NCAM1: variants seen among roughly 807,000 people sequenced by gnomAD.
NCAM1 encodes antigen recognized by monoclonal antibody 5.1H11.
Under a neutral mutation model 109.8 loss-of-function variants are expected in NCAM1, and 14 were observed. That is an observed-to-expected ratio of 0.13 (90% CI 0.08 to 0.20). The LOEUF is 0.20. Ranked by LOEUF, NCAM1 falls within the 10% of genes least tolerant of loss-of-function variation. NCAM1 has a pLI of 1.00. For synonymous variants in NCAM1, 418 were observed against 442.9 expected (o/e 0.94, Z 0.70); for missense variants, 774 against 1,109.9 (o/e 0.70, Z 4.30).
intron 1 of NCAM1, among the ~76,000 whole-genome samples, chr11:112,992,528 G>A (rs775087292): frequency 7.0e-6 from 1 of 143,536 alleles, no homozygotes; most frequent in Non-Finnish European, 1.5e-5. Flanking sequence ...TTGAGACGGA[G>A]TCTCACTCTG....
chr11:113,173,627 T>TATA (rs1555106599), intron 1 of NCAM1, among the ~76,000 whole-genome samples: 14 of 137,712 alleles, frequency 1.0e-4, no homozygotes, highest in Non-Finnish European at 1.1e-4. Flanking sequence ...TATATATATA[T>TATA]TTTAGAGGGT....
chr11:113,226,953 C>T (rs1395032565), intron 9 of NCAM1, among the ~76,000 whole-genome samples: 2 of 152,146 alleles, frequency 1.3e-5, no homozygotes, highest in South Asian at 2.1e-4. Context: ...AAATTTATAG[C>T]ACTAAATGCC....
Position 113,273,507 on chromosome 11 carries a change from G to GCAGCCA in NCAM1, c.2456+1637_2456+1642dup. 1 of 332,254 alleles carries GCAGCCA rather than the reference G, an allele frequency of 3.0e-6. No individual in the cohort carries two copies. The highest frequency in any genetic ancestry group is 6.1e-6 in the Non-Finnish European group (1 of 164,744). 20.6% of individuals were successfully genotyped at this position (332,254 alleles called of 1,614,324 possible). A position where few individuals can be genotyped will look rare whatever the true frequency, so the allele number is the denominator to read the frequency against. On this transcript the variant is annotated intron_variant, in intron 19 of 19. Coordinates refer to ENST00000316851, the MANE Select transcript of NCAM1 (RefSeq NM_181351.5). The surrounding 1 kb of genome is among the most constrained non-coding windows in gnomAD (Gnocchi z 6.0). ...CGGAGCCGCGAAGAGCCCGGCCGAG[G>GCAGCCA]CAGCCACAGCCCTTGCTAGCCCGAA...
intron 17 of NCAM1, chr11:113,269,820 G>A: frequency 3.3e-6 from 1 of 304,278 alleles, no homozygotes; most frequent in South Asian, 3.8e-5. Flanking sequence ...CTGCCTGCCT[G>A]TGCTGCAAAG....
chr11:113,014,104 A>G (rs544084286), intron 1 of NCAM1, among the ~76,000 whole-genome samples: 1 of 152,194 alleles, frequency 6.6e-6, no homozygotes, highest in East Asian at 1.9e-4. Context: ...AACTTTATGT[A>G]TTAATACTAC....
At chr11:113,061,238 C>T (rs917257988) in intron 1 of NCAM1, among the ~76,000 whole-genome samples, 1 of 151,980 alleles carries the variant, frequency 6.6e-6, no homozygotes, top group Non-Finnish European at 1.5e-5. Flanking sequence ...GGGAAGGTTT[C>T]CTCATTTTTA....
chr11:113,106,091 C>T (rs1555092512), intron 1 of NCAM1, among the ~76,000 whole-genome samples: 1 of 151,898 alleles, frequency 6.6e-6, no homozygotes, highest in Admixed American at 6.6e-5. Flanking sequence ...TAGTCAACTA[C>T]CAAACAAATA....
chr11:113,255,180 G>A (rs1206809478), intron 15 of NCAM1, among the ~76,000 whole-genome samples: 4 of 152,132 alleles, frequency 2.6e-5, no homozygotes, highest in African/African-American at 9.7e-5. Context: ...TTGAGAATTA[G>A]CACTCACTCA....
At position 113,205,972 on chromosome 11, in the gene NCAM1, G is replaced by A. The variant is rs1234832765; in HGVS notation, c.491-71G>A. On this transcript the variant is annotated intron_variant, in intron 4 of 19. Coordinates refer to ENST00000316851, the MANE Select transcript of NCAM1 (RefSeq NM_181351.5). ...GATACTGAAGTTAGGAAAAAGGAAAGAGACTCAGCCACCTGCCTGCAGATG... is the reference window on the plus strand; with the variant it reads ...GATACTGAAGTTAGGAAAAAGGAAAAAGACTCAGCCACCTGCCTGCAGATG... 5.5e-5 allele frequency: 87 copies of A among 1,579,142 alleles called. No individual in the cohort carries two copies. In the Admixed American group the frequency reaches 1.5e-3, roughly 26 times the overall value.
intron 17 of NCAM1, chr11:113,263,006 C>CAGGACCACCATGGCCACAGCTGCTGAGCA: frequency 6.5e-7 from 1 of 1,549,230 alleles, no homozygotes; most frequent in South Asian, 1.2e-5. Context: ...AAGAACCTGG[C>CAGGACCACCATGGCCACAGCTGCTGAGCA]AGGACCACCA....
intron 1 of NCAM1, among the ~76,000 whole-genome samples, chr11:112,991,583 G>A (rs1951458814): frequency 6.6e-6 from 1 of 152,148 alleles, no homozygotes; most frequent in African/African-American, 2.4e-5. Flanking sequence ...ACATGAAGAA[G>A]TGAAGTGAAG....
At chr11:113,180,825 T>C (rs6589361) in intron 1 of NCAM1, among the ~76,000 whole-genome samples, 43,928 of 152,130 alleles carry the variant, frequency 0.29, 9,880 homozygotes, top group African/African-American at 0.62. Flanking sequence ...TCTCTAAGCC[T>C]CCAGCTCTTC....
At chr11:113,207,695 A>G in intron 6 of NCAM1, 138 bp from the exon 7 acceptor site, 2 of 917,916 alleles carry the variant, frequency 2.2e-6, no homozygotes, top group Non-Finnish European at 3.3e-6. Flanking sequence ...TGGACGTTCA[A>G]CTTGGTGCCT....
At chr11:113,231,821 G>C in intron 10 of NCAM1, 26 bp downstream of exon 10, 1 of 1,613,312 alleles carries the variant, frequency 6.2e-7, no homozygotes, top group African/African-American at 1.3e-5. Context: ...GGAAGGACCT[G>C]GGGGAGGGAG....
At chr11:113,224,362 C>T (rs1555115842) in intron 9 of NCAM1, among the ~76,000 whole-genome samples, 1 of 152,242 alleles carries the variant, frequency 6.6e-6, no homozygotes, top group African/African-American at 2.4e-5. Context: ...GATCAAACTG[C>T]AAGGCGGCAG....
intron 1 of NCAM1, among the ~76,000 whole-genome samples, chr11:112,996,212 C>T (rs1951592138): frequency 6.6e-6 from 1 of 152,062 alleles, no homozygotes; most frequent in East Asian, 1.9e-4. Flanking sequence ...CTAACTTTTC[C>T]TACTTAGCAT....
chr11:113,145,697 G>A (rs782467114), intron 1 of NCAM1, among the ~76,000 whole-genome samples: 1 of 152,142 alleles, frequency 6.6e-6, no homozygotes, highest in Non-Finnish European at 1.5e-5. Context: ...CTTCATGTGT[G>A]TGTCAATTGA....
At chr11:113,047,115 A>T (rs1180352518) in intron 1 of NCAM1, among the ~76,000 whole-genome samples, 1 of 152,216 alleles carries the variant, frequency 6.6e-6, no homozygotes, top group African/African-American at 2.4e-5. Context: ...TTTTACTGGA[A>T]TGCATGTGTA....
chr11:113,195,535 C>T (rs1305726004), intron 1 of NCAM1, among the ~76,000 whole-genome samples: 4 of 121,826 alleles, frequency 3.3e-5, no homozygotes, highest in Non-Finnish European at 1.6e-5. Context: ...CAGAGTCTCG[C>T]TTTGTCGCCC....
Sources: allele counts gnomAD v4.1 joint callset (sites outside exome capture counted in the v4.1 genomes callset), GRCh38; gene constraint gnomAD v4.1.1; non-coding constraint Gnocchi (gnomAD v3.1); transcripts MANE v1.5; gene names NCBI Gene and HGNC (gene_info 2026-07-23, HGNC 2026-07-21).